Variants in IGSF21 observed in about 807,000 individuals in gnomAD.
IGSF21 encodes immunoglobin superfamily member 21, also known as immunoglobulin superfamily member 21.
IGSF21 carries 28 observed loss-of-function variants against 46.8 expected under a neutral mutation model. The observed-to-expected ratio is 0.60, with a 90% CI of 0.44 to 0.82. IGSF21 has a LOEUF of 0.82. Ranked by LOEUF, IGSF21 falls within the 40% of genes least tolerant of loss-of-function variation. The pLI is 0.00. For missense variants in IGSF21, 624 were observed against 665.5 expected, an observed-to-expected ratio of 0.94 and a Z score of 0.69; for synonymous variants, 284 against 273.6, an observed-to-expected ratio of 1.04 and a Z score of -0.38.
At chr1:18,210,149 A>C (rs2084374659) in intron 1 of IGSF21, among the ~76,000 whole-genome samples, 2 of 152,148 alleles carry the variant, frequency 1.3e-5, no homozygotes, top group Admixed American at 1.3e-4. Context: ...TGTAGGATGT[A>C]TGCATTTAAT....
intron 1 of IGSF21, among the ~76,000 whole-genome samples, chr1:18,221,489 G>A (rs944425695): frequency 2.6e-5 from 4 of 152,126 alleles, no homozygotes; most frequent in Admixed American, 1.3e-4. Context: ...GGGAAAGGGC[G>A]GGGAGTGATG....
intron 4 of IGSF21, among the ~76,000 whole-genome samples, chr1:18,352,524 G>A (rs75033049): frequency 1.3e-5 from 2 of 152,182 alleles, no homozygotes; most frequent in African/African-American, 4.8e-5. Context: ...GAACCACCAG[G>A]TTAAGGGACT....
chr1:18,128,930 G>A (rs11261067), intron 1 of IGSF21, among the ~76,000 whole-genome samples: 44,650 of 151,932 alleles, frequency 0.29, 6,678 homozygotes, highest in Non-Finnish European at 0.33. Context: ...CAGCGCTTGG[G>A]TGAGTGGGCT....
At chr1:18,370,127 G>A (rs2086210033) in intron 6 of IGSF21, among the ~76,000 whole-genome samples, 1 of 152,094 alleles carries the variant, frequency 6.6e-6, no homozygotes, top group Non-Finnish European at 1.5e-5. Context: ...GTTCAAGCCT[G>A]GGTTATTAGA....
rs185279979 is a variant in IGSF21, at chr1:18,300,760, C to G, written c.305+8773C>G. On this transcript the variant is annotated intron_variant, in intron 3 of 9. Coordinates refer to ENST00000251296, the MANE Select transcript of IGSF21 (RefSeq NM_032880.5). ...TCCCCAGAGATAGAGTGTGCGCATG[C>G]TTTCCAGCTAGAAGTTCCACTGGAC... 1.2e-4 allele frequency among the ~76,000 whole-genome samples: 18 copies of G among 152,280 alleles called. No homozygotes were observed. In the East Asian group the frequency reaches 3.5e-3, roughly 30 times the overall value.
At chr1:18,273,405 C>CTTTCCTTTCA (rs2085064396) in intron 2 of IGSF21, among the ~76,000 whole-genome samples, 15 of 133,268 alleles carry the variant, frequency 1.1e-4, no homozygotes, top group Admixed American at 4.1e-4. Context: ...CTTTCCTTTC[C>CTTTCCTTTCA]TTTCCTTTCT....
chr1:18,246,478 T>A (rs2084784894), intron 2 of IGSF21, among the ~76,000 whole-genome samples: 1 of 152,126 alleles, frequency 6.6e-6, no homozygotes, highest in Non-Finnish European at 1.5e-5. Flanking sequence ...AGCTTAGGAC[T>A]CCAACCTCCA....
At chr1:18,212,862 TCC>T (rs1395727352) in intron 1 of IGSF21, among the ~76,000 whole-genome samples, 3 of 152,162 alleles carry the variant, frequency 2.0e-5, no homozygotes, top group Non-Finnish European at 4.4e-5. Flanking sequence ...AAATGGGAAT[TCC>T]CCTCACCCAC....
At chr1:18,275,483 A>C (rs1418803989) in intron 2 of IGSF21, among the ~76,000 whole-genome samples, 1 of 152,160 alleles carries the variant, frequency 6.6e-6, no homozygotes, top group African/African-American at 2.4e-5. Flanking sequence ...CTTGGTGATC[A>C]GACATGCAGC....
In IGSF21 at chr1:18,273,039, CTT is replaced by C. The variant is rs760448516; in HGVS notation, c.184-18803_184-18802del. 7.9e-3 allele frequency among the ~76,000 whole-genome samples: 638 copies of C among 80,698 alleles called. 2 individuals are homozygous for C. The highest frequency in any genetic ancestry group is 0.032 in the African/African-American group (589 of 18,684). The allele number at this position is 80,698 out of a possible 152,430, so 52.9% of individuals were successfully genotyped here. The stretch of plus-strand genomic sequence containing the variant: ...CTTCTCCACTAGCAGCCAGACGGAT[CTT>C]TTTTTTTTTTTTTTTTTTTTTTTAG... On this transcript the variant is annotated intron_variant, in intron 2 of 9. Coordinates refer to ENST00000251296, the MANE Select transcript of IGSF21 (RefSeq NM_032880.5).
chr1:18,128,503 A>C (rs1183115020), intron 1 of IGSF21, among the ~76,000 whole-genome samples: 1 of 152,156 alleles, frequency 6.6e-6, no homozygotes, highest in East Asian at 1.9e-4. Flanking sequence ...GGAATCTGTC[A>C]CTGGTAATTC....
chr1:18,213,172 T>A (rs772925492), intron 1 of IGSF21, among the ~76,000 whole-genome samples: 53 of 152,236 alleles, frequency 3.5e-4, no homozygotes, highest in Non-Finnish European at 6.8e-4. Flanking sequence ...AGCAACAGTA[T>A]GGCCAGACCC....
chr1:18,329,013 G>A (rs550951932), intron 3 of IGSF21, among the ~76,000 whole-genome samples: 2 of 152,332 alleles, frequency 1.3e-5, no homozygotes, highest in African/African-American at 4.8e-5. Context: ...TCTTCCAGCA[G>A]GGAGAAAACA....
chr1:18,190,345 T>C (rs2086943247), intron 1 of IGSF21, among the ~76,000 whole-genome samples: 1 of 152,196 alleles, frequency 6.6e-6, no homozygotes. Context: ...CTAAGCATAG[T>C]TGTCCCTCTG....
At chr1:18,108,281 G>T (rs910997986) in intron 1 of IGSF21, 83 bp downstream of exon 1, 224 of 1,235,572 alleles carry the variant, frequency 1.8e-4, no homozygotes, top group Non-Finnish European at 2.2e-4. Flanking sequence ...GGCCGGGGTC[G>T]CTCCGAGAGG....
chr1:18,182,353 A>G (rs2086865520), intron 1 of IGSF21, among the ~76,000 whole-genome samples: 1 of 151,620 alleles, frequency 6.6e-6, no homozygotes, highest in South Asian at 2.1e-4. Context: ...ATTTTTTTGT[A>G]TTTTTAGTAG....
intron 4 of IGSF21, among the ~76,000 whole-genome samples, chr1:18,340,045 A>G (rs140231584): frequency 6.2e-4 from 94 of 152,352 alleles, no homozygotes; most frequent in African/African-American, 2.2e-3. Flanking sequence ...GCATATCAGA[A>G]TGTCTTTTTT....
chr1:18,231,648 G>C (rs1242084710), intron 2 of IGSF21, among the ~76,000 whole-genome samples: 65 of 152,142 alleles, frequency 4.3e-4, no homozygotes, highest in Admixed American at 4.3e-3. Flanking sequence ...TCCTCAGTCA[G>C]ACTAGCCACA....
intron 2 of IGSF21, among the ~76,000 whole-genome samples, chr1:18,241,290 A>G (rs992975590): frequency 1.3e-5 from 2 of 152,162 alleles, no homozygotes; most frequent in Non-Finnish European, 2.9e-5. Flanking sequence ...TGGTGTTGCC[A>G]TACAGGACTT....
Sources: allele counts gnomAD v4.1 joint callset (sites outside exome capture counted in the v4.1 genomes callset), GRCh38; gene constraint gnomAD v4.1.1; transcripts MANE v1.5; gene names NCBI Gene and HGNC (gene_info 2026-07-23, HGNC 2026-07-21).